ELF5: variants seen among roughly 807,000 people sequenced by gnomAD.
ELF5 encodes E74 like ETS transcription factor 5.
ELF5 carries 31 observed loss-of-function variants against 38.2 expected under a neutral mutation model. That is an observed-to-expected ratio of 0.81 (90% CI 0.61 to 1.10). The LOEUF (loss-of-function observed/expected upper bound fraction) is 1.10. ELF5 is among the 50% of genes least tolerant of loss of function. The pLI is 0.00. For synonymous variants in ELF5, 121 were observed against 112.5 expected (o/e 1.08, Z -0.48); for missense variants, 300 against 306.6 (o/e 0.98, Z 0.16).
chr11:34,513,635 C>T (rs998918159), intron 1 of ELF5, 42 bp downstream of exon 1: 1 of 152,434 alleles, frequency 6.6e-6, no homozygotes, highest in East Asian at 1.9e-4. Flanking sequence ...AGCCCTGACA[C>T]CCCTTACGAT....
At chr11:34,492,203 C>T (rs1485807994) in intron 3 of ELF5, 1 of 152,228 alleles carries the variant, frequency 6.6e-6, no homozygotes, top group South Asian at 2.1e-4. Context: ...GACACAGATC[C>T]CAGCTCTTGG....
At position 34,493,555 on chromosome 11, in the gene ELF5, T is replaced by C; in HGVS notation, c.279A>G (p.Thr93=). ...CAGCTGCCTCGACGAACTCCTCCTG[T>C]GTCATGCTGCACAGCTGCAGGCCAC... The part of the protein sequence containing the change: ...NISGLQLCSM[T]QEEFVEAAGL... Residue 93 remains threonine, a synonymous_variant, in exon 3 of 7, where the codon ACA becomes ACG. Coordinates refer to ENST00000257832, the MANE Select transcript of ELF5 (RefSeq NM_001422.4). 1.2e-6 allele frequency: 2 copies of C among 1,614,222 alleles called. No individual in the cohort carries two copies. The highest frequency in any genetic ancestry group is 1.7e-6 in the Non-Finnish European group (2 of 1,180,048).
intron 2 of ELF5, among the ~76,000 whole-genome samples, chr11:34,497,914 G>A (rs1850355307): frequency 6.6e-6 from 1 of 152,180 alleles, no homozygotes; most frequent in African/African-American, 2.4e-5. Context: ...GAGTGGGCAT[G>A]CTAAGACTTT....
intron 1 of ELF5, among the ~76,000 whole-genome samples, chr11:34,510,926 A>T (rs1850737882): frequency 6.6e-6 from 1 of 152,186 alleles, no homozygotes; most frequent in South Asian, 2.1e-4. Context: ...TGTTCTGGAC[A>T]TACTTTTCAT....
chr11:34,493,718 C>G lies in ELF5; in HGVS notation c.122-6G>C, dbSNP rs751485879. 6.2e-7 allele frequency: 1 copy of G among 1,611,584 alleles called. No homozygotes were observed. Among genetic ancestry groups the G allele is most frequent in the Non-Finnish European group, 8.5e-7 (1 of 1,177,952 alleles). On this transcript the variant is annotated splice_polypyrimidine_tract_variant and splice_region_variant and intron_variant, in intron 2 of 6. Transcript: ENST00000257832. ...TGTCCAGTATGAGTCACAGGCTGCACCAAAGGAGAAAGAAGTGAGGGACAA... is the reference window on the plus strand; with the variant it reads ...TGTCCAGTATGAGTCACAGGCTGCAGCAAAGGAGAAAGAAGTGAGGGACAA...
intron 2 of ELF5, among the ~76,000 whole-genome samples, chr11:34,498,706 G>A (rs1279086926): frequency 1.3e-5 from 2 of 152,200 alleles, no homozygotes; most frequent in African/African-American, 4.8e-5. Flanking sequence ...GCATCTTCAA[G>A]AGAAAGATCA....
intron 1 of ELF5, among the ~76,000 whole-genome samples, chr11:34,506,672 C>G (rs1850620686): frequency 2.0e-5 from 3 of 152,046 alleles, no homozygotes; most frequent in African/African-American, 7.2e-5. Context: ...TACCATCAAA[C>G]CTGGCTAATT....
chr11:34,489,491 G>T (rs1435102555), intron 4 of ELF5, among the ~76,000 whole-genome samples: 10 of 152,136 alleles, frequency 6.6e-5, no homozygotes. Context: ...TCCCTTTCCC[G>T]AGCCTTCTTC....
Position 34,490,067 on chromosome 11 carries a change from A to G in ELF5, c.356-8T>C, listed in dbSNP as rs764328124. The G allele has an allele frequency of 6.2e-7, 1 of 1,613,902 alleles. No individual in the cohort carries two copies. The highest frequency in any genetic ancestry group is 8.5e-7 in the Non-Finnish European group (1 of 1,179,870). On this transcript the variant is annotated splice_region_variant and splice_polypyrimidine_tract_variant and intron_variant, in intron 3 of 6. Transcript: ENST00000257832. Reference sequence around the variant, plus strand: ...CATTAAAAAAGGAGTAACCTGGGAAAGAAAAAGAAATCCAGAAACCATACC... The same window carrying G: ...CATTAAAAAAGGAGTAACCTGGGAAGGAAAAAGAAATCCAGAAACCATACC...
chr11:34,504,395 A>ATGTGCGTGTGTGTGTG (rs1850551731), intron 2 of ELF5, among the ~76,000 whole-genome samples: 1 of 144,618 alleles, frequency 6.9e-6, no homozygotes, highest in Admixed American at 6.6e-5. Flanking sequence ...GAGATTTCAC[A>ATGTGCGTGTGTGTGTG]TGTGCGTGTG....
At chr11:34,490,080 C>T (rs1274477131) in intron 3 of ELF5, 21 bp from the exon 4 acceptor site, 2 of 1,613,492 alleles carry the variant, frequency 1.2e-6, no homozygotes, top group Non-Finnish European at 1.7e-6. Context: ...AAAAGAAATC[C>T]AGAAACCATA....
chr11:34,497,772 C>T (rs1850352873), intron 2 of ELF5, among the ~76,000 whole-genome samples: 1 of 152,132 alleles, frequency 6.6e-6, no homozygotes, highest in Admixed American at 6.5e-5. Context: ...TGGCAACTGG[C>T]TTGGTTTTTA....
intron 2 of ELF5, among the ~76,000 whole-genome samples, chr11:34,494,062 C>G (rs1384997221): frequency 1.3e-5 from 2 of 152,238 alleles, no homozygotes; most frequent in Non-Finnish European, 2.9e-5. Context: ...ACAAACTCAG[C>G]TGTTTGACAA....
At chr11:34,506,616 C>T (rs560854436) in intron 1 of ELF5, among the ~76,000 whole-genome samples, 29 of 152,098 alleles carry the variant, frequency 1.9e-4, no homozygotes, top group East Asian at 3.9e-4. Flanking sequence ...TGGGTTCAAG[C>T]GATCCTCCCA....
intron 1 of ELF5, among the ~76,000 whole-genome samples, chr11:34,510,302 G>GA (rs922436125): frequency 6.7e-6 from 1 of 148,286 alleles, no homozygotes; most frequent in African/African-American, 2.5e-5. Context: ...TATAAAAGCA[G>GA]AAAAAGGTGT....
At chr11:34,498,733 A>G (rs1850378327) in intron 2 of ELF5, among the ~76,000 whole-genome samples, 1 of 152,140 alleles carries the variant, frequency 6.6e-6, no homozygotes, top group South Asian at 2.1e-4. Flanking sequence ...GAGTCCATTA[A>G]TCCCCCACTT....
intron 4 of ELF5, among the ~76,000 whole-genome samples, chr11:34,485,108 T>A (rs1434917652): frequency 6.6e-6 from 1 of 152,194 alleles, no homozygotes; most frequent in Non-Finnish European, 1.5e-5. Flanking sequence ...ACATAGAGTA[T>A]CTCATTTCAA....
chr11:34,492,024 A>G (rs11032727), intron 3 of ELF5: 89,814 of 152,122 alleles, frequency 0.59, 27,083 homozygotes, highest in Non-Finnish European at 0.65. Flanking sequence ...GCATTGCCAA[A>G]CTGCATCTTT....
intron 2 of ELF5, among the ~76,000 whole-genome samples, chr11:34,495,147 C>G (rs536220102): frequency 6.6e-6 from 1 of 152,122 alleles, no homozygotes; most frequent in South Asian, 2.1e-4. Context: ...ACCACCATAC[C>G]GGGTCAGCAC....
Sources: gnomAD v4.1 joint callset for allele counts (sites outside exome capture counted in the v4.1 genomes callset) on GRCh38, gnomAD v4.1.1 for gene constraint, MANE v1.5 for transcripts, NCBI Gene and HGNC (gene_info 2026-07-23, HGNC 2026-07-21) for gene names.